NOVA1: variants seen among roughly 807,000 people sequenced by gnomAD.
NOVA1 encodes the protein NOVA alternative splicing regulator 1.
In NOVA1, 7 loss-of-function variants were observed where a neutral mutation model predicts 38.0. The observed-to-expected ratio is 0.18, with a 90% CI of 0.10 to 0.35. The LOEUF (loss-of-function observed/expected upper bound fraction) is 0.35. Ranked by LOEUF, NOVA1 falls within the 10% of genes least tolerant of loss-of-function variation. NOVA1 has a pLI of 1.00. For missense variants in NOVA1, 460 were observed against 616.0 expected (o/e 0.75, Z 2.68); for synonymous variants, 270 against 232.5 (o/e 1.16, Z -1.47).
At position 26,446,394 on chromosome 14, in the gene NOVA1, AT is replaced by A. The variant is rs2138539134; in HGVS notation, c.*1564del. 1.3e-5 allele frequency: 2 copies of A among 152,794 alleles called. No homozygotes were observed. Among genetic ancestry groups the A allele is most frequent in the Non-Finnish European group, 2.9e-5 (2 of 68,068 alleles). 9.5% of individuals were successfully genotyped at this position (152,794 alleles called of 1,614,324 possible). On this transcript the variant is annotated 3_prime_UTR_variant, in exon 5 of 5. Transcript: ENST00000539517. ...AATTCAGACATGGAGCATCACACTCATTGTTCTTTAATTGGTTGCACAGAAA... is the reference window on the plus strand; with the variant it reads ...AATTCAGACATGGAGCATCACACTCATGTTCTTTAATTGGTTGCACAGAAA...
At chr14:26,555,951 A>ATGTTCATGTGC (rs1891455336) in intron 2 of NOVA1, among the ~76,000 whole-genome samples, 3 of 152,162 alleles carry the variant, frequency 2.0e-5, no homozygotes, top group Admixed American at 1.3e-4. Flanking sequence ...AACTAACAAA[A>ATGTTCATGTGC]TATGTTCATG....
At chr14:26,562,092 T>C (rs1365395332) in intron 2 of NOVA1, among the ~76,000 whole-genome samples, 2 of 152,190 alleles carry the variant, frequency 1.3e-5, no homozygotes, top group East Asian at 3.9e-4. Context: ...GAAAATCTAG[T>C]GACTTGCCTT....
chr14:26,587,304 T>TAC (rs1315553254), intron 2 of NOVA1, among the ~76,000 whole-genome samples: 3 of 76,340 alleles, frequency 3.9e-5, no homozygotes, highest in East Asian at 3.4e-4. Context: ...GGATCTAAAA[T>TAC]ATATAAAAAA....
chr14:26,552,427 T>C (rs953489670), intron 2 of NOVA1, among the ~76,000 whole-genome samples: 1 of 152,158 alleles, frequency 6.6e-6, no homozygotes, highest in African/African-American at 2.4e-5. Context: ...ACTGGGGTGA[T>C]GATAATGGGA....
chr14:26,489,631 G>A (rs769422026), intron 2 of NOVA1, among the ~76,000 whole-genome samples: 46 of 151,942 alleles, frequency 3.0e-4, no homozygotes, highest in Non-Finnish European at 6.6e-4. Context: ...CTGAAGTCAG[G>A]AGTTTGAGAC....
At position 26,471,319 on chromosome 14, in the gene NOVA1, G is replaced by A. The variant is rs548931535; in HGVS notation, c.519+1001C>T. Among the ~76,000 whole-genome samples, 25 of 151,586 alleles carry A rather than the reference G, an allele frequency of 1.6e-4. No homozygotes were observed. In the South Asian group the frequency reaches 1.7e-3, roughly 10 times the overall value. ...CTGATAGTCTTATATTAGATAATAC[G>A]CAAAAGCCACATTTAATATATTTAG... On this transcript the variant is annotated intron_variant, in intron 4 of 4. Coordinates refer to ENST00000539517, the MANE Select transcript of NOVA1 (RefSeq NM_002515.3).
intron 2 of NOVA1, among the ~76,000 whole-genome samples, chr14:26,537,251 G>A (rs919579445): frequency 1.3e-5 from 2 of 151,136 alleles, no homozygotes; most frequent in African/African-American, 4.9e-5. Flanking sequence ...ACATGCACAT[G>A]GTAAAATATT....
At chr14:26,492,761 G>T (rs1025052023) in intron 2 of NOVA1, among the ~76,000 whole-genome samples, 1 of 151,556 alleles carries the variant, frequency 6.6e-6, no homozygotes, top group Non-Finnish European at 1.5e-5. Context: ...GAAGTCAGGA[G>T]TTCAAGACCA....
intron 2 of NOVA1, among the ~76,000 whole-genome samples, chr14:26,488,082 T>A (rs1326273115): frequency 6.6e-6 from 1 of 152,166 alleles, no homozygotes; most frequent in Non-Finnish European, 1.5e-5. Flanking sequence ...GGAATTGACA[T>A]CTTATGATGT....
chr14:26,584,349 A>G (rs1893393932), intron 2 of NOVA1, among the ~76,000 whole-genome samples: 1 of 151,532 alleles, frequency 6.6e-6, no homozygotes, highest in Non-Finnish European at 1.5e-5. Context: ...ACTTTTGAAC[A>G]ACTGGGCAAT....
chr14:26,457,858 G>C (rs540075958), intron 4 of NOVA1, among the ~76,000 whole-genome samples: 2 of 152,226 alleles, frequency 1.3e-5, no homozygotes, highest in East Asian at 3.9e-4. Flanking sequence ...GGACAGGGAA[G>C]ACAGTGGCAC....
chr14:26,492,108 T>A (rs1886392084), intron 2 of NOVA1, among the ~76,000 whole-genome samples: 1 of 152,214 alleles, frequency 6.6e-6, no homozygotes, highest in African/African-American at 2.4e-5. Context: ...ACCTCCTTGG[T>A]TAAATTTATT....
intron 2 of NOVA1, 82 bp downstream of exon 2, chr14:26,595,328 C>A (rs943629081): frequency 5.8e-6 from 8 of 1,375,652 alleles, no homozygotes; most frequent in South Asian, 4.2e-5. Flanking sequence ...TTTAAAAATT[C>A]TTTCAAGACA....
chr14:26,453,515 A>G (rs986358957), intron 4 of NOVA1, among the ~76,000 whole-genome samples: 5 of 152,220 alleles, frequency 3.3e-5, no homozygotes, highest in Non-Finnish European at 7.3e-5. Context: ...AGAAAAAAGT[A>G]ATAAATTTAC....
intron 2 of NOVA1, among the ~76,000 whole-genome samples, chr14:26,496,957 G>A (rs2138385447): frequency 6.6e-6 from 1 of 152,256 alleles, no homozygotes; most frequent in African/African-American, 2.4e-5. Context: ...TTTTGGCTTA[G>A]GATTGACTTG....
chr14:26,500,090 C>T (rs1031819129), intron 2 of NOVA1, among the ~76,000 whole-genome samples: 4 of 151,998 alleles, frequency 2.6e-5, no homozygotes, highest in African/African-American at 9.7e-5. Flanking sequence ...TATCAGTTTA[C>T]CAGAGAAGTG....
At chr14:26,522,028 T>C (rs1888937885) in intron 2 of NOVA1, among the ~76,000 whole-genome samples, 4 of 152,254 alleles carry the variant, frequency 2.6e-5, no homozygotes, top group Admixed American at 1.3e-4. Context: ...TGAAATCTTA[T>C]GTATTTTATT....
intron 2 of NOVA1, among the ~76,000 whole-genome samples, chr14:26,493,055 T>C (rs1183789113): frequency 1.3e-5 from 2 of 152,236 alleles, no homozygotes; most frequent in Admixed American, 6.5e-5. Context: ...TCAGAAATTC[T>C]GCAACTCAAC....
At chr14:26,511,734 G>C (rs977325016) in intron 2 of NOVA1, among the ~76,000 whole-genome samples, 6 of 151,718 alleles carry the variant, frequency 4.0e-5, no homozygotes, top group African/African-American at 1.5e-4. Context: ...CCTGGTGACA[G>C]AGTGAGACTG....
Sources: allele counts gnomAD v4.1 joint callset (sites outside exome capture counted in the v4.1 genomes callset), GRCh38; gene constraint gnomAD v4.1.1; transcripts MANE v1.5; gene names NCBI Gene and HGNC (gene_info 2026-07-23, HGNC 2026-07-21).